Variants in NSMF observed in about 807,000 individuals in gnomAD.
The protein encoded by NSMF is NMDA receptor synaptonuclear signaling and neuronal migration factor.
A neutral mutation model predicts 71.0 loss-of-function variants in NSMF; 31 were observed. The ratio of observed to expected loss-of-function variants is 0.44; its 90% CI spans 0.33 to 0.59. The LOEUF (loss-of-function observed/expected upper bound fraction) is 0.59. Among genes scored for constraint, NSMF ranks in the 20% least tolerant of loss-of-function variants. The pLI is 0.04. For synonymous variants in NSMF, 345 were observed against 287.1 expected, an observed-to-expected ratio of 1.20 and a Z score of -2.04; for missense variants, 673 against 740.5, an observed-to-expected ratio of 0.91 and a Z score of 1.06.
In NSMF at chr9:137,457,740, G is replaced by C. The variant is rs1830913813; in HGVS notation, c.295C>G (p.Pro99Ala). ...TCCCCAGAGATGGTGTACACTCGAG[G>C]CTGAGGGCCCTCGCCTGCGGGCTTC... ...IRKPAGEGPQ[P>A]RVYTISGEPA... is the part of the protein sequence containing the mutation. Residue 99 changes from proline (P) to alanine (A), a missense_variant, in exon 3 of 16, where the codon CCT becomes GCT. Around this residue, in one of 2 missense-constraint regions of NSMF, gnomAD observed 471 missense variants for 459.6 expected, o/e 1.02. Transcript: ENST00000371475. The C allele has an allele frequency of 3.2e-6, 5 of 1,557,920 alleles. No individual in the cohort carries two copies. Among genetic ancestry groups the C allele is most frequent in the Non-Finnish European group, 4.3e-6 (5 of 1,151,076 alleles).
At chr9:137,454,891 G>A in intron 6 of NSMF, 1 of 397,384 alleles carries the variant, frequency 2.5e-6, no homozygotes, top group Non-Finnish European at 3.4e-6. Context: ...CACCTCAGGG[G>A]CAGGTCCTCT....
In NSMF at chr9:137,457,954, G is replaced by A. The variant is rs912284209; in HGVS notation, c.134-53C>T. The A allele has an allele frequency of 4.0e-5, 62 of 1,535,148 alleles. No homozygotes were observed. The East Asian group carries it at 7.3e-4, about 18-fold the overall frequency. The stretch of plus-strand genomic sequence containing the variant: ...TGCCGCGTGTGGGCCCCCCGCTGCC[G>A]GTTTCATAGCAGGCCGAAGGCAGAG... On this transcript the variant is annotated intron_variant, in intron 2 of 15. Transcript: ENST00000371475.
At chr9:137,455,037 T>G in intron 6 of NSMF, 2 of 735,722 alleles carry the variant, frequency 2.7e-6, no homozygotes, top group East Asian at 5.4e-5. Flanking sequence ...ACACGTGCCC[T>G]CGGAGTGCAG....
Position 137,449,625 on chromosome 9 carries a change from T to C in NSMF, c.1469A>G (p.Glu490Gly). The change falls in exon 15 of 16, where the codon GAG becomes GGG. Residue 490 changes from glutamate to glycine, a missense_variant. This residue lies in a region of NSMF where 202 missense variants were observed against 280.8 expected (regional missense o/e 0.72). Coordinates refer to ENST00000371475, the MANE Select transcript of NSMF (RefSeq NM_001130969.3). ...TLMTPYRVTF[E>G]SPLELSAQGK... ...TTGGGCTGAGAGCTCCAGGGGTGAC[T>C]CGAAGGTGACCCTATAAGGAGTCAT... 1.9e-6 allele frequency: 3 copies of C among 1,612,606 alleles called. No homozygotes were observed. The highest frequency in any genetic ancestry group is 1.7e-6 in the Non-Finnish European group (2 of 1,179,818).
intron 6 of NSMF, 71 bp from the exon 7 acceptor site, chr9:137,454,514 G>A (rs982172062): frequency 1.3e-6 from 2 of 1,549,204 alleles, no homozygotes; most frequent in East Asian, 2.4e-5. Context: ...CCTAGCCCCC[G>A]TCGGGTCATG....
Position 137,457,736 on chromosome 9 carries a change from C to T in NSMF, c.299G>A (p.Arg100Gln), listed in dbSNP as rs374453014. ...RKPAGEGPQPRVYTISGEPAL... is the reference protein window; with the variant it reads ...RKPAGEGPQPQVYTISGEPAL... ...AGGCTCCCCAGAGATGGTGTACACT[C>T]GAGGCTGAGGGCCCTCGCCTGCGGG... Residue 100 changes from arginine to glutamine, a missense_variant, in exon 3 of 16, where the codon CGA becomes CAA. This residue lies in a region of NSMF where 471 missense variants were observed against 459.6 expected (regional missense o/e 1.02). Coordinates refer to ENST00000371475, the MANE Select transcript of NSMF (RefSeq NM_001130969.3). 73 of 1,557,328 alleles carry T rather than the reference C, an allele frequency of 4.7e-5. No homozygotes were observed. Among genetic ancestry groups the T allele is most frequent in the Non-Finnish European group, 6.3e-5 (72 of 1,150,668 alleles).
chr9:137,452,904 G>A, intron 9 of NSMF, 85 bp from the exon 10 acceptor site: 2 of 1,551,606 alleles, frequency 1.3e-6, no homozygotes, highest in African/African-American at 1.4e-5. Flanking sequence ...CTACCTTCTG[G>A]CTGCCAGGCA....
In NSMF at chr9:137,448,959, T is replaced by C. The variant is rs1031946847; in HGVS notation, c.*435A>G. 9.4e-6 allele frequency: 3 copies of C among 319,210 alleles called. No individual in the cohort carries two copies. The highest frequency in any genetic ancestry group is 1.8e-5 in the Non-Finnish European group (3 of 163,124). 19.8% of individuals were successfully genotyped at this position (319,210 alleles called of 1,614,324 possible). A position where few individuals can be genotyped will look rare whatever the true frequency, so the allele number is the denominator to read the frequency against. ...GTGGGCAGGGAGGGTCCTGAACACA[T>C]GTGGGCTGCTGGGCTGCTGGGCCGG... On this transcript the variant is annotated 3_prime_UTR_variant, in exon 16 of 16. Coordinates refer to ENST00000371475, the MANE Select transcript of NSMF (RefSeq NM_001130969.3). This position sits in a 1 kb window ranked among gnomAD's most constrained non-coding sequence, Gnocchi z 5.3.
chr9:137,457,423 G>C lies in NSMF; in HGVS notation c.612C>G (p.Ser204Arg). The C allele has an allele frequency of 1.9e-6, 3 of 1,612,900 alleles. No individual in the cohort carries two copies. The highest frequency in any genetic ancestry group is 2.5e-6 in the Non-Finnish European group (3 of 1,180,012). Residue 204 changes from serine to arginine, a missense_variant, in exon 3 of 16, where the codon AGC (serine) becomes AGG (arginine). Physicochemically the swap from Ser to Arg is moderately radical, Grantham distance 110. Transcript: ENST00000371475. ...ACCCCTCACCAGACACACGGTCAAC[G>C]CTGTACATCCTCTCCAGCTTCTTGC... is the stretch of plus-strand genomic sequence containing the variant. Reference protein sequence around the residue: ...GRRKKLERMYSVDRVSDDIPI... With the variant: ...GRRKKLERMYRVDRVSDDIPI...
In NSMF at chr9:137,457,720, A is replaced by C. The variant is rs1588510418; in HGVS notation, c.315T>G (p.Ser105=). 6.4e-7 allele frequency: 1 copy of C among 1,555,566 alleles called. No homozygotes were observed. The highest frequency in any genetic ancestry group is 8.7e-7 in the Non-Finnish European group (1 of 1,149,760). ...EGPQPRVYTI[S]GEPALLPSPE... is the part of the protein sequence containing the mutation. Reference sequence around the variant, plus strand: ...GGCTGGGCAGCAGGGCAGGCTCCCCAGAGATGGTGTACACTCGAGGCTGAG... The same window carrying C: ...GGCTGGGCAGCAGGGCAGGCTCCCCCGAGATGGTGTACACTCGAGGCTGAG... The change falls in exon 3 of 16, where the codon TCT becomes TCG. Residue 105 remains serine, a synonymous_variant. Coordinates refer to ENST00000371475, the MANE Select transcript of NSMF (RefSeq NM_001130969.3).
In NSMF at chr9:137,454,574, C is replaced by A. The variant is rs986452467; in HGVS notation, c.780-131G>T. 23 of 1,547,536 alleles carry A rather than the reference C, an allele frequency of 1.5e-5. No individual in the cohort carries two copies. In the African/African-American group the frequency reaches 3.0e-4, roughly 20 times the overall value. On this transcript the variant is annotated intron_variant, in intron 6 of 15. Transcript: ENST00000371475. The stretch of plus-strand genomic sequence containing the variant: ...GGGAAGCCAGTGCTCTCCCTGGCTC[C>A]TGGCACCACCTCCCACCCAAAGGCA...
Position 137,457,190 on chromosome 9 carries a change from G to A in NSMF, c.628+217C>T, listed in dbSNP as rs548887611. On this transcript the variant is annotated intron_variant, in intron 3 of 15. Transcript: ENST00000371475. The stretch of plus-strand genomic sequence containing the variant: ...TGCTAGCAGGGCGAAAGCGGACTGT[G>A]AGGCCTGGCAGATTTTGCTGAGGAG... 2.0e-5 allele frequency among the ~76,000 whole-genome samples: 3 copies of A among 152,288 alleles called. No individual in the cohort carries two copies. In the East Asian group the frequency reaches 5.8e-4, roughly 29 times the overall value.
rs754239738 is a variant in NSMF at position 137,457,496 on chromosome 9, C to T, written c.539G>A (p.Arg180Gln). Residue 180 changes from arginine (R) to glutamine (Q), a missense_variant, in exon 3 of 16, where the codon CGG (arginine) becomes CAG (glutamine). Arg to Gln is a conservative substitution (Grantham distance 43, BLOSUM62 1). Coordinates refer to ENST00000371475, the MANE Select transcript of NSMF (RefSeq NM_001130969.3). ...AGGTGGCTGGTCCAGCCCAAAGGCC[C>T]GAGGGGTGGGGCCAGGAGCCAGCTG... ...CAQLAPGPTP[R>Q]AFGLDQPPLP... is the part of the protein sequence containing the mutation. 6.8e-6 allele frequency: 11 copies of T among 1,612,058 alleles called. No homozygotes were observed. The highest frequency in any genetic ancestry group is 4.5e-5 in the East Asian group (2 of 44,820).
rs189332535 is a variant in NSMF at position 137,455,637 on chromosome 9, G to T, written c.705-3C>A. On this transcript the variant is annotated splice_region_variant and splice_polypyrimidine_tract_variant and intron_variant, in intron 4 of 15. Coordinates refer to ENST00000371475, the MANE Select transcript of NSMF (RefSeq NM_001130969.3). The stretch of plus-strand genomic sequence containing the variant: ...GTCATACAGGTACTTACGAGATGCT[G>T]AAGCCAGGGCCAGAAGGGATGGCGT... 1.2e-5 allele frequency: 18 copies of T among 1,550,430 alleles called. No individual in the cohort carries two copies. In the Admixed American group the frequency reaches 2.0e-4, roughly 17 times the overall value.
rs776985530 is a variant in NSMF, at chr9:137,453,153, G to A, written c.950C>T (p.Thr317Met). 2.7e-5 allele frequency: 43 copies of A among 1,612,502 alleles called. No individual in the cohort carries two copies. The highest frequency in any genetic ancestry group is 7.7e-5 in the South Asian group (7 of 91,088). Residue 317 changes from threonine to methionine, a missense_variant, in exon 9 of 16, where the codon ACG becomes ATG. Transcript: ENST00000371475. This position sits in a 1 kb window ranked among gnomAD's most constrained non-coding sequence, Gnocchi z 4.5. Reference sequence around the variant, plus strand: ...CAGGTCCTCGAAGGCCTCGTCCAGCGTGCAGTGGGAGCTCTGCAGGTCACT... The same window carrying A: ...CAGGTCCTCGAAGGCCTCGTCCAGCATGCAGTGGGAGCTCTGCAGGTCACT... The part of the protein sequence containing the change: ...DSSDLQSSHC[T>M]LDEAFEDLDW...
Position 137,455,633 on chromosome 9 carries a change from T to C in NSMF, c.706A>G (p.Ile236Val). 1 of 1,550,338 alleles carries C rather than the reference T, an allele frequency of 6.5e-7. No homozygotes were observed. The highest frequency in any genetic ancestry group is 8.7e-7 in the Non-Finnish European group (1 of 1,146,882). The stretch of plus-strand genomic sequence containing the variant: ...CCAAGTCATACAGGTACTTACGAGA[T>C]GCTGAAGCCAGGGCCAGAAGGGATG... Reference protein sequence around the residue: ...FQTATTTMQAISVFRGYAERK... With the variant: ...FQTATTTMQAVSVFRGYAERK... The change falls in exon 5 of 16, where the codon ATC becomes GTC. Residue 236 changes from isoleucine (I) to valine (V), a missense_variant and splice_region_variant. This residue lies in a region of NSMF where 471 missense variants were observed against 459.6 expected (regional missense o/e 1.02). Transcript: ENST00000371475.
chr9:137,454,976 T>C, intron 6 of NSMF: 1 of 714,548 alleles, frequency 1.4e-6, no homozygotes, highest in Non-Finnish European at 2.6e-6. Flanking sequence ...CACATCTGTG[T>C]GATTGGAGTG....
chr9:137,450,741 G>A (rs114481509), intron 12 of NSMF, among the ~76,000 whole-genome samples: 22 of 9,086 alleles, frequency 2.4e-3, no homozygotes, highest in African/African-American at 0.012. Flanking sequence ...TCCCCCCCTC[G>A]CCTCTTCCTC....
chr9:137,455,517 C>T (rs1279768824), intron 5 of NSMF, 112 bp downstream of exon 5: 17 of 1,306,690 alleles, frequency 1.3e-5, no homozygotes, highest in African/African-American at 7.3e-5. Flanking sequence ...CCGCAGAGAG[C>T]GGCACTCCCT....
Sources: gnomAD v4.1 joint callset for allele counts (sites outside exome capture counted in the v4.1 genomes callset) on GRCh38, gnomAD v4.1.1 for gene constraint, gnomAD v4.1.1 regional missense constraint, Gnocchi (gnomAD v3.1) non-coding constraint, MANE v1.5 for transcripts, NCBI Gene and HGNC (gene_info 2026-07-23, HGNC 2026-07-21) for gene names.